GALNT13: variants seen among roughly 807,000 people sequenced by gnomAD.
GALNT13 encodes the protein UDP-GalNAc:polypeptide N-acetylgalactosaminyltransferase 13.
GALNT13 carries 28 observed loss-of-function variants against 64.2 expected under a neutral mutation model. The ratio of observed to expected loss-of-function variants is 0.44; its 90% CI spans 0.32 to 0.60. GALNT13 has a LOEUF of 0.60. Ranked by LOEUF, GALNT13 falls within the 20% of genes least tolerant of loss-of-function variation. The pLI, the probability that GALNT13 is intolerant of heterozygous loss-of-function variation, is 0.05. For missense variants in GALNT13, 577 were observed against 669.8 expected, an observed-to-expected ratio of 0.86 and a Z score of 1.53; for synonymous variants, 214 against 224.6, an observed-to-expected ratio of 0.95 and a Z score of 0.42.
At chr2:154,318,295 C>A (rs1309832410) in intron 9 of GALNT13, among the ~76,000 whole-genome samples, 2 of 152,004 alleles carry the variant, frequency 1.3e-5, no homozygotes, top group African/African-American at 4.8e-5. Flanking sequence ...TTAAATATTC[C>A]AAAACGCCTT....
chr2:154,170,923 A>G (rs1685313489), intron 4 of GALNT13, among the ~76,000 whole-genome samples: 1 of 152,220 alleles, frequency 6.6e-6, no homozygotes, highest in African/African-American at 2.4e-5. Flanking sequence ...AGTTTGCTGG[A>G]GAAGCTTTCA....
At chr2:154,120,123 C>T (rs369889904) in intron 3 of GALNT13, among the ~76,000 whole-genome samples, 3 of 152,122 alleles carry the variant, frequency 2.0e-5, no homozygotes, top group African/African-American at 4.8e-5. Context: ...TTAATATAGC[C>T]TGTGATTCTG....
intron 4 of GALNT13, among the ~76,000 whole-genome samples, chr2:154,191,645 A>T (rs891954330): frequency 6.6e-6 from 1 of 152,104 alleles, no homozygotes; most frequent in Non-Finnish European, 1.5e-5. Flanking sequence ...TACCTATGAA[A>T]CGGGAAAAGT....
At chr2:153,257,099 G>A in the GALNT13 span, among the ~76,000 whole-genome samples, 1 of 152,236 alleles carries the variant, frequency 6.6e-6, no homozygotes, top group Non-Finnish European at 1.5e-5. Context: ...CTAGCAATCA[G>A]TGAGACTCCC....
intron 4 of GALNT13, among the ~76,000 whole-genome samples, chr2:154,240,421 G>C (rs77643820): frequency 0.041 from 6,188 of 152,254 alleles, 188 homozygotes; most frequent in Non-Finnish European, 0.059. Flanking sequence ...TAAATCATCT[G>C]GGAGCTTTTC....
At chr2:153,397,231 G>A in the GALNT13 span, among the ~76,000 whole-genome samples, 1 of 152,054 alleles carries the variant, frequency 6.6e-6, no homozygotes, top group Non-Finnish European at 1.5e-5. Context: ...TTCTGGTTGT[G>A]GGAACTTTAT....
chr2:153,664,775 T>C, the GALNT13 span, among the ~76,000 whole-genome samples: 1 of 152,160 alleles, frequency 6.6e-6, no homozygotes, highest in Non-Finnish European at 1.5e-5. Context: ...GTCCCTCTGT[T>C]CGGGGTCCCT....
At chr2:154,346,885 T>C (rs569568166) in intron 9 of GALNT13, among the ~76,000 whole-genome samples, 1 of 152,122 alleles carries the variant, frequency 6.6e-6, no homozygotes, top group African/African-American at 2.4e-5. Context: ...TCTAGAAATA[T>C]TCTGAAAATA....
chr2:153,303,951 C>T, the GALNT13 span, among the ~76,000 whole-genome samples: 1 of 151,876 alleles, frequency 6.6e-6, no homozygotes, highest in East Asian at 1.9e-4. Flanking sequence ...GAGTACAATG[C>T]CAGCAGCCAT....
chr2:153,685,534 G>T, the GALNT13 span, among the ~76,000 whole-genome samples: 1 of 151,768 alleles, frequency 6.6e-6, no homozygotes, highest in Non-Finnish European at 1.5e-5. Flanking sequence ...TTGTAAATTT[G>T]TTTAAGTTCC....
At chr2:154,133,649 TA>T (rs1682780103) in intron 3 of GALNT13, among the ~76,000 whole-genome samples, 1 of 148,666 alleles carries the variant, frequency 6.7e-6, no homozygotes, top group African/African-American at 2.5e-5. Context: ...AGTCTTTTGA[TA>T]ATAGAACTAG....
At chr2:153,787,466 T>TA in the GALNT13 span, among the ~76,000 whole-genome samples, 5 of 152,268 alleles carry the variant, frequency 3.3e-5, no homozygotes, top group African/African-American at 1.2e-4. Flanking sequence ...ATATGACATT[T>TA]AAAGAAATAC....
intron 6 of GALNT13, among the ~76,000 whole-genome samples, chr2:154,244,115 A>T (rs149268284): frequency 3.6e-4 from 55 of 151,892 alleles, no homozygotes; most frequent in African/African-American, 1.3e-3. Flanking sequence ...TTTTTTCCAC[A>T]TGTGTTTCAT....
intron 4 of GALNT13, among the ~76,000 whole-genome samples, chr2:154,171,671 T>C (rs928416706): frequency 1.3e-5 from 2 of 152,100 alleles, no homozygotes; most frequent in Non-Finnish European, 2.9e-5. Context: ...CTCCTGGATG[T>C]GTTATTAAGA....
At chr2:154,208,612 C>T (rs546068423) in intron 4 of GALNT13, among the ~76,000 whole-genome samples, 12 of 140,410 alleles carry the variant, frequency 8.5e-5, no homozygotes, top group African/African-American at 3.0e-4. Flanking sequence ...ATTTTAATCA[C>T]GTTTTGCGTG....
chr2:153,508,323 C>A, the GALNT13 span, among the ~76,000 whole-genome samples: 1 of 152,112 alleles, frequency 6.6e-6, no homozygotes, highest in Non-Finnish European at 1.5e-5. Context: ...AGAAAAAGAT[C>A]ACCAGGTGGG....
intron 4 of GALNT13, among the ~76,000 whole-genome samples, chr2:154,223,538 G>A (rs1176739048): frequency 1.2e-4 from 17 of 142,264 alleles, no homozygotes; most frequent in African/African-American, 7.8e-5. Context: ...TGCAACCTCC[G>A]CCTCCTGGGT....
the GALNT13 span, among the ~76,000 whole-genome samples, chr2:153,581,193 G>C: frequency 6.6e-6 from 1 of 152,074 alleles, no homozygotes; most frequent in Non-Finnish European, 1.5e-5. Context: ...AAATATAGAG[G>C]AAAAAGACTC....
At chr2:154,387,855 G>A (rs932781109) in intron 9 of GALNT13, among the ~76,000 whole-genome samples, 3 of 151,978 alleles carry the variant, frequency 2.0e-5, no homozygotes, top group African/African-American at 4.8e-5. Flanking sequence ...CCATTTCTTG[G>A]CTATTGTGAA....
Sources: gnomAD v4.1 joint callset for allele counts (sites outside exome capture counted in the v4.1 genomes callset) on GRCh38, gnomAD v4.1.1 for gene constraint, MANE v1.5 for transcripts, NCBI Gene and HGNC (gene_info 2026-07-23, HGNC 2026-07-21) for gene names.